The following SLCO6A1 variants were observed in gnomAD, a reference collection of about 807,000 sequenced individuals.
SLCO6A1 encodes solute carrier organic anion transporter family member 6A1.
Under a neutral mutation model 72.7 loss-of-function variants are expected in SLCO6A1, and 65 were observed. The observed-to-expected ratio is 0.89, with a 90% CI of 0.73 to 1.10. The LOEUF (loss-of-function observed/expected upper bound fraction) is 1.10, where lower values mean the gene tolerates loss of function less well. Among genes scored for constraint, SLCO6A1 ranks in the 50% least tolerant of loss-of-function variants. SLCO6A1 has a pLI of 0.00. For synonymous variants in SLCO6A1, 314 were observed against 298.2 expected (o/e 1.05, Z -0.55); for missense variants, 874 against 872.6 (o/e 1.00, Z -0.02).
intron 4 of SLCO6A1, among the ~76,000 whole-genome samples, chr5:102,475,476 C>A (rs936012762): frequency 6.6e-6 from 1 of 151,954 alleles, no homozygotes; most frequent in Non-Finnish European, 1.5e-5. Context: ...AAACAATGTA[C>A]ACATAGTTAA....
chr5:102,463,737 T>C (rs1041126281), intron 4 of SLCO6A1, among the ~76,000 whole-genome samples: 2 of 151,848 alleles, frequency 1.3e-5, no homozygotes, highest in Non-Finnish European at 2.9e-5. Flanking sequence ...AAACACAAAA[T>C]TAGCCGGGCG....
Position 102,458,429 on chromosome 5 carries a change from C to T in SLCO6A1, c.1084G>A (p.Asp362Asn). The change falls in exon 6 of 14, where the codon GAT (aspartate) becomes AAT (asparagine). Residue 362 changes from aspartate to asparagine, a missense_variant. Transcript: ENST00000506729. ...QLHFFDSRLK[D>N]LKLGTNIKDL... ...TTGATATTAGTTCCAAGTTTCAGAT[C>T]TTTAAGTCTGCTGTCAAAAAAATGA... 1 of 1,613,046 alleles carries T rather than the reference C, an allele frequency of 6.2e-7. No homozygotes were observed. Among genetic ancestry groups the T allele is most frequent in the Non-Finnish European group, 8.5e-7 (1 of 1,179,470 alleles).
At chr5:102,481,607 CAG>C (rs1752198045) in intron 1 of SLCO6A1, among the ~76,000 whole-genome samples, 1 of 152,114 alleles carries the variant, frequency 6.6e-6, no homozygotes, top group Non-Finnish European at 1.5e-5. Context: ...AAATAACTTG[CAG>C]AGTTTATCTT....
rs752225578 is a variant in SLCO6A1, at chr5:102,458,393, C to T, written c.1120G>A (p.Ala374Thr). Residue 374 changes from alanine to threonine, a missense_variant, in exon 6 of 14, where the codon GCT (alanine) becomes ACT (threonine). Transcript: ENST00000506729. ...KLGTNIKDLC[A>T]ALWILMKNPV... ...ATATTTTACTTTACCCAAAGAGCAG[C>T]ACATAAATCCTTGATATTAGTTCCA... is the stretch of plus-strand genomic sequence containing the variant. The T allele has an allele frequency of 6.8e-5, 109 of 1,607,742 alleles. 3 individuals are homozygous for T. The South Asian group carries it at 1.1e-3, about 17-fold the overall frequency.
intron 6 of SLCO6A1, among the ~76,000 whole-genome samples, chr5:102,443,763 T>C (rs1446695512): frequency 6.6e-6 from 1 of 152,228 alleles, no homozygotes; most frequent in East Asian, 1.9e-4. Context: ...TTAAAAAGTC[T>C]ATTTCTTTTC....
intron 6 of SLCO6A1, among the ~76,000 whole-genome samples, chr5:102,445,276 A>G (rs1014078170): frequency 6.6e-6 from 1 of 152,158 alleles, no homozygotes; most frequent in Non-Finnish European, 1.5e-5. Flanking sequence ...CTGGTGTGCA[A>G]TAACATCTTA....
chr5:102,442,354 A>G (rs1185244132), intron 6 of SLCO6A1, among the ~76,000 whole-genome samples: 1 of 152,172 alleles, frequency 6.6e-6, no homozygotes, highest in Non-Finnish European at 1.5e-5. Context: ...TGGAAAAATT[A>G]CTCATTCTTT....
At chr5:102,489,994 G>A (rs1286583841) in intron 1 of SLCO6A1, among the ~76,000 whole-genome samples, 2 of 152,182 alleles carry the variant, frequency 1.3e-5, no homozygotes, top group African/African-American at 4.8e-5. Flanking sequence ...GACATGGAAA[G>A]ACAAGTACTG....
intron 5 of SLCO6A1, 89 bp from the exon 6 acceptor site, chr5:102,458,580 A>G (rs1750864958): frequency 2.5e-6 from 2 of 791,372 alleles, no homozygotes; most frequent in African/African-American, 1.7e-5. Flanking sequence ...AATAAATTCA[A>G]TTAATCCTGA....
chr5:102,402,979 A>G lies in SLCO6A1; in HGVS notation c.1627-3237T>C, dbSNP rs1436722003. On this transcript the variant is annotated intron_variant, in intron 9 of 13. Transcript: ENST00000506729. ...TCAAGTCCAGAGAACTCTGAAAACCAAAGAATTTTCTTTGTAGCTTATTTG... is the reference window on the plus strand; with the variant it reads ...TCAAGTCCAGAGAACTCTGAAAACCGAAGAATTTTCTTTGTAGCTTATTTG... 1.5e-4 allele frequency among the ~76,000 whole-genome samples: 23 copies of G among 152,328 alleles called. 1 individual carries two copies. In the East Asian group the frequency reaches 3.9e-3, roughly 26 times the overall value.
intron 6 of SLCO6A1, among the ~76,000 whole-genome samples, chr5:102,446,939 G>C (rs1750143593): frequency 6.6e-6 from 1 of 152,010 alleles, no homozygotes; most frequent in Non-Finnish European, 1.5e-5. Context: ...TATTTTGGTA[G>C]AGACAGAGTT....
intron 7 of SLCO6A1, among the ~76,000 whole-genome samples, chr5:102,437,369 AT>A (rs1424595411): frequency 2.6e-5 from 4 of 152,152 alleles, no homozygotes; most frequent in Non-Finnish European, 5.9e-5. Flanking sequence ...AAGCCACCTG[AT>A]TTTTTAAGAT....
chr5:102,448,570 A>G (rs1750242935), intron 6 of SLCO6A1, among the ~76,000 whole-genome samples: 1 of 152,132 alleles, frequency 6.6e-6, no homozygotes, highest in South Asian at 2.1e-4. Context: ...GGTTGCGTAT[A>G]TATTTAGGGG....
At chr5:102,427,113 AAG>A (rs1290231909) in intron 7 of SLCO6A1, among the ~76,000 whole-genome samples, 2 of 152,194 alleles carry the variant, frequency 1.3e-5, no homozygotes, top group African/African-American at 4.8e-5. Context: ...GAAAAATAAA[AAG>A]AGATGATAAA....
At chr5:102,409,054 CA>C (rs1009767977) in intron 9 of SLCO6A1, among the ~76,000 whole-genome samples, 3 of 151,376 alleles carry the variant, frequency 2.0e-5, no homozygotes, top group African/African-American at 7.3e-5. Flanking sequence ...GGGGAGATCA[CA>C]AAAAAAGCCC....
At chr5:102,495,690 A>G (rs1752878895) in intron 1 of SLCO6A1, among the ~76,000 whole-genome samples, 1 of 152,186 alleles carries the variant, frequency 6.6e-6, no homozygotes, top group Non-Finnish European at 1.5e-5. Flanking sequence ...ACTAAAACTC[A>G]TTGAATAACA....
chr5:102,397,683 A>C (rs1747169761), intron 10 of SLCO6A1, among the ~76,000 whole-genome samples: 1 of 152,092 alleles, frequency 6.6e-6, no homozygotes, highest in Non-Finnish European at 1.5e-5. Context: ...TCTGAGCAGA[A>C]ATATATGTTA....
intron 12 of SLCO6A1, among the ~76,000 whole-genome samples, chr5:102,380,975 AG>A (rs1281221217): frequency 2.0e-5 from 3 of 151,938 alleles, no homozygotes; most frequent in Non-Finnish European, 4.4e-5. Flanking sequence ...ATAAATAAAA[AG>A]GGTATATATT....
chr5:102,453,512 T>G (rs1750544575), intron 6 of SLCO6A1, among the ~76,000 whole-genome samples: 1 of 152,194 alleles, frequency 6.6e-6, no homozygotes, highest in Non-Finnish European at 1.5e-5. Context: ...TTCTTCTTTC[T>G]TTGCATTTTT....
Sources: gnomAD v4.1 joint callset for allele counts (sites outside exome capture counted in the v4.1 genomes callset) on GRCh38, gnomAD v4.1.1 for gene constraint, MANE v1.5 for transcripts, NCBI Gene and HGNC (gene_info 2026-07-23, HGNC 2026-07-21) for gene names.